NKAIN3: variants seen among roughly 807,000 people sequenced by gnomAD.
NKAIN3 encodes sodium/potassium-transporting ATPase subunit beta-1-interacting protein 3.
In NKAIN3, 25 loss-of-function variants were observed where a neutral mutation model predicts 30.2. The observed-to-expected ratio is 0.83, with a 90% CI of 0.60 to 1.16. The LOEUF is 1.16. NKAIN3 is among the 50% of genes most tolerant of loss of function. The pLI is 0.00. For synonymous variants in NKAIN3, 91 were observed against 89.6 expected (o/e 1.02, Z -0.09); for missense variants, 225 against 254.1 (o/e 0.89, Z 0.78).
At chr8:62,758,195 A>T (rs1200325305) in intron 4 of NKAIN3, among the ~76,000 whole-genome samples, 1 of 152,170 alleles carries the variant, frequency 6.6e-6, no homozygotes, top group Non-Finnish European at 1.5e-5. Flanking sequence ...AAACAAAAAA[A>T]ACTCACGGAA....
chr8:62,289,928 T>G (rs2129400404), intron 1 of NKAIN3, among the ~76,000 whole-genome samples: 1 of 152,280 alleles, frequency 6.6e-6, no homozygotes, highest in South Asian at 2.1e-4. Flanking sequence ...TGAGCAGTGG[T>G]TTATAGTTCC....
chr8:62,375,341 T>C (rs752437483), intron 1 of NKAIN3, among the ~76,000 whole-genome samples: 2 of 152,120 alleles, frequency 1.3e-5, no homozygotes, highest in Non-Finnish European at 2.9e-5. Flanking sequence ...CACTGCAGGT[T>C]TTTCCTTTGA....
chr8:62,916,413 AAAGTTATTAGTGATG>A (rs1316333612), intron 4 of NKAIN3, among the ~76,000 whole-genome samples: 1 of 152,150 alleles, frequency 6.6e-6, no homozygotes, highest in Non-Finnish European at 1.5e-5. Flanking sequence ...AATCTATTGT[AAAGTTATTAGTGATG>A]GGATTAGGGA....
intron 1 of NKAIN3, among the ~76,000 whole-genome samples, chr8:62,380,679 T>C (rs570608857): frequency 1.8e-4 from 28 of 152,346 alleles, no homozygotes; most frequent in African/African-American, 6.3e-4. Context: ...AGCTCCCATG[T>C]CAACCTTCGA....
chr8:62,903,871 A>C (rs561813956), intron 4 of NKAIN3, among the ~76,000 whole-genome samples: 1 of 152,148 alleles, frequency 6.6e-6, no homozygotes, highest in Non-Finnish European at 1.5e-5. Flanking sequence ...AAACCACAAG[A>C]TCTCACGGGA....
At chr8:62,835,410 G>A (rs1444840902) in intron 4 of NKAIN3, among the ~76,000 whole-genome samples, 1 of 152,040 alleles carries the variant, frequency 6.6e-6, no homozygotes, top group African/African-American at 2.4e-5. Flanking sequence ...GAAAATATTA[G>A]CAAACTATGC....
intron 4 of NKAIN3, among the ~76,000 whole-genome samples, chr8:62,838,622 G>A (rs1819440597): frequency 6.6e-6 from 1 of 152,060 alleles, no homozygotes; most frequent in African/African-American, 2.4e-5. Context: ...ATTGGTTGAT[G>A]AGGGACTTAT....
chr8:62,347,668 CAA>C (rs547094098), intron 1 of NKAIN3, among the ~76,000 whole-genome samples: 170 of 151,944 alleles, frequency 1.1e-3, no homozygotes, highest in Middle Eastern at 6.8e-3. Context: ...TAATGCCAGA[CAA>C]AGTGTAGGAT....
rs554807364 is a variant in NKAIN3, at chr8:62,707,846, T to G, written c.274-39086T>G. Among the ~76,000 whole-genome samples the G allele has an allele frequency of 2.0e-5, 3 of 152,292 alleles. No individual in the cohort carries two copies. In the South Asian group the frequency reaches 6.2e-4, roughly 32 times the overall value. On this transcript the variant is annotated intron_variant, in intron 3 of 6. Coordinates refer to ENST00000623646, the MANE Select transcript of NKAIN3 (RefSeq NM_001304533.3). The stretch of plus-strand genomic sequence containing the variant: ...TCTTCCAGTGTTATCTCCTAGAATT[T>G]TTATAGTTTCAGGTCTTAGGTTTAA...
chr8:62,904,226 C>T (rs1006531794), intron 4 of NKAIN3, among the ~76,000 whole-genome samples: 1 of 152,142 alleles, frequency 6.6e-6, no homozygotes, highest in Admixed American at 6.5e-5. Context: ...ATGAAAACTG[C>T]TGTATCAGTT....
At chr8:62,342,819 T>G (rs1585701668) in intron 1 of NKAIN3, among the ~76,000 whole-genome samples, 1 of 152,008 alleles carries the variant, frequency 6.6e-6, no homozygotes, top group African/African-American at 2.4e-5. Context: ...TAATTACTCT[T>G]GAGAGGTTAA....
chr8:62,799,547 A>C (rs760655809), intron 4 of NKAIN3, among the ~76,000 whole-genome samples: 7 of 152,204 alleles, frequency 4.6e-5, no homozygotes, highest in African/African-American at 7.2e-5. Flanking sequence ...AAAAAATAGT[A>C]AATGTTGATG....
At chr8:62,460,840 G>A (rs755949826) in intron 1 of NKAIN3, among the ~76,000 whole-genome samples, 4 of 152,214 alleles carry the variant, frequency 2.6e-5, no homozygotes, top group Non-Finnish European at 5.9e-5. Flanking sequence ...TTGGAGGGAA[G>A]TATTTTAATT....
At chr8:62,252,084 A>G (rs1474170095) in intron 1 of NKAIN3, among the ~76,000 whole-genome samples, 2 of 152,204 alleles carry the variant, frequency 1.3e-5, no homozygotes, top group Admixed American at 6.5e-5. Context: ...AGCATATCAT[A>G]GGATAGGGAT....
At position 62,491,843 on chromosome 8, in the gene NKAIN3, C is replaced by T. The variant is rs148259355; in HGVS notation, c.55-87696C>T. Among the ~76,000 whole-genome samples the T allele has an allele frequency of 5.1e-4, 78 of 151,764 alleles. 1 individual carries two copies. The East Asian group carries it at 0.012, about 23-fold the overall frequency. On this transcript the variant is annotated intron_variant, in intron 1 of 6. Transcript: ENST00000623646. ...GAAAGGAGGACTGAGAATGGAACCC[C>T]GGGGAATATCAAGCTGTGAGAAGAA... is the stretch of plus-strand genomic sequence containing the variant.
intron 1 of NKAIN3, among the ~76,000 whole-genome samples, chr8:62,379,203 G>T (rs1350589512): frequency 6.6e-6 from 1 of 152,200 alleles, no homozygotes; most frequent in Non-Finnish European, 1.5e-5. Flanking sequence ...CTTGTAGTGG[G>T]TGTATTTATC....
At chr8:62,521,761 C>T (rs933316001) in intron 1 of NKAIN3, among the ~76,000 whole-genome samples, 1 of 152,122 alleles carries the variant, frequency 6.6e-6, no homozygotes, top group African/African-American at 2.4e-5. Flanking sequence ...GAGGGGCTGT[C>T]AATTCAAGAA....
chr8:62,482,730 C>A (rs764797050), intron 1 of NKAIN3: 3 of 152,206 alleles, frequency 2.0e-5, no homozygotes, highest in Non-Finnish European at 4.4e-5. Context: ...TCACCGCAGA[C>A]CTACATTTGC....
In NKAIN3 at chr8:62,972,643, G is replaced by A. The variant is rs1055081580; in HGVS notation, c.*7236G>A. ...CCCAAAATTCCTTTGCAGATCTTGA[G>A]TATTTGCCAATATTCTCTATGATTT... On this transcript the variant is annotated 3_prime_UTR_variant, in exon 7 of 7. Coordinates refer to ENST00000623646, the MANE Select transcript of NKAIN3 (RefSeq NM_001304533.3). Among the ~76,000 whole-genome samples the A allele has an allele frequency of 6.6e-6, 1 of 152,034 alleles. No individual in the cohort carries two copies. Among genetic ancestry groups the A allele is most frequent in the African/African-American group, 2.4e-5 (1 of 41,412 alleles).
Sources: gnomAD v4.1 joint callset for allele counts (sites outside exome capture counted in the v4.1 genomes callset) on GRCh38, gnomAD v4.1.1 for gene constraint, MANE v1.5 for transcripts, NCBI Gene and HGNC (gene_info 2026-07-23, HGNC 2026-07-21) for gene names.